The following RBBP8NL variants were observed in gnomAD, a reference collection of about 807,000 sequenced individuals.
The protein encoded by RBBP8NL is RBBP8 N-terminal like.
A neutral mutation model predicts 62.2 loss-of-function variants in RBBP8NL; 59 were observed. The observed-to-expected ratio is 0.95, with a 90% CI of 0.77 to 1.18. RBBP8NL has a LOEUF of 1.18. Ranked by LOEUF, RBBP8NL falls within the 50% of genes most tolerant of loss-of-function variation. RBBP8NL has a pLI of 0.00. For synonymous variants in RBBP8NL, 412 were observed against 394.1 expected, an observed-to-expected ratio of 1.05 and a Z score of -0.54; for missense variants, 896 against 899.5, an observed-to-expected ratio of 1.00 and a Z score of 0.05.
At chr20:62,424,753 C>T (rs1284617916) in intron 1 of RBBP8NL, among the ~76,000 whole-genome samples, 1 of 152,156 alleles carries the variant, frequency 6.6e-6, no homozygotes, top group Non-Finnish European at 1.5e-5. Flanking sequence ...CCCCCCAGAG[C>T]CTGCACCTGC....
intron 2 of RBBP8NL, among the ~76,000 whole-genome samples, chr20:62,418,849 A>C (rs947178209): frequency 6.6e-6 from 1 of 150,952 alleles, no homozygotes; most frequent in Non-Finnish European, 1.5e-5. Context: ...ACCCCACCAG[A>C]CCCTCTCCTT....
In RBBP8NL at chr20:62,416,746, T is replaced by C. The variant is rs750454915; in HGVS notation, c.313+14A>G. 2.3e-5 allele frequency: 35 copies of C among 1,552,136 alleles called. No homozygotes were observed. Among genetic ancestry groups the C allele is most frequent in the Non-Finnish European group, 3.0e-5 (34 of 1,140,638 alleles). ...GTGGGAGAGGACCCCGGTTGTCTGGTGGGTGGGGCTCACTGAGGATGAAGA... is the reference window on the plus strand; with the variant it reads ...GTGGGAGAGGACCCCGGTTGTCTGGCGGGTGGGGCTCACTGAGGATGAAGA... On this transcript the variant is annotated intron_variant, in intron 5 of 13. Coordinates refer to ENST00000252998, the MANE Select transcript of RBBP8NL (RefSeq NM_080833.3).
intron 4 of RBBP8NL, 92 bp from the exon 5 acceptor site, chr20:62,416,964 C>T: frequency 1.9e-6 from 2 of 1,026,614 alleles, no homozygotes; most frequent in Non-Finnish European, 2.9e-6. Context: ...GGAAGTGCCC[C>T]TGCCCTTTGC....
chr20:62,410,863 C>A lies in RBBP8NL; in HGVS notation c.*15G>T, dbSNP rs773625976. 3.2e-6 allele frequency: 5 copies of A among 1,580,304 alleles called. No homozygotes were observed. The highest frequency in any genetic ancestry group is 4.3e-6 in the Non-Finnish European group (5 of 1,151,756). ...GGGCTGCCCCGGGCTCGCTGTGGAC[C>A]CTGGTGCAGGCTGGCTAGGTCTCCT... On this transcript the variant is annotated 3_prime_UTR_variant, in exon 14 of 14. Coordinates refer to ENST00000252998, the MANE Select transcript of RBBP8NL (RefSeq NM_080833.3).
At chr20:62,416,349 A>C in intron 5 of RBBP8NL, 113 bp from the exon 6 acceptor site, 1 of 947,064 alleles carries the variant, frequency 1.1e-6, no homozygotes, top group South Asian at 1.4e-5. Flanking sequence ...CACGTAGCCC[A>C]GGGCCTGGCA....
chr20:62,411,034 G>A (rs746284234), intron 13 of RBBP8NL, 38 bp from the exon 14 acceptor site: 4 of 1,403,396 alleles, frequency 2.9e-6, no homozygotes, highest in Non-Finnish European at 2.0e-6. Flanking sequence ...GGAGCTGTGT[G>A]CCTTCCTTTG....
At chr20:62,415,983 C>A in intron 6 of RBBP8NL, 38 bp from the exon 7 acceptor site, 1 of 1,497,414 alleles carries the variant, frequency 6.7e-7, no homozygotes. Flanking sequence ...TGAGGGAGAG[C>A]AGCATCTCGG....
Position 62,412,733 on chromosome 20 carries a change from C to T in RBBP8NL, c.1767G>A (p.Ala589=), listed in dbSNP as rs368171031. The change falls in exon 13 of 14, where the codon GCG becomes GCA. Residue 589 remains alanine (A), a synonymous_variant. Coordinates refer to ENST00000252998, the MANE Select transcript of RBBP8NL (RefSeq NM_080833.3). ...PGSEVGLSSQ[A]EATTSTTGEG... is the part of the protein sequence containing the mutation. Reference sequence around the variant, plus strand: ...CCCCGGTCGTGCTCGTAGTGGCCTCCGCCTGGGAGCTCAGGCCCACCTGGG... The same window carrying T: ...CCCCGGTCGTGCTCGTAGTGGCCTCTGCCTGGGAGCTCAGGCCCACCTGGG... 7.0e-4 allele frequency: 1,129 copies of T among 1,611,900 alleles called. 12 individuals are homozygous for T. The South Asian group carries it at 0.01, about 15-fold the overall frequency.
At position 62,426,790 on chromosome 20, in the gene RBBP8NL, C is replaced by T. The variant is rs372668818; in HGVS notation, c.-84+670G>A. On this transcript the variant is annotated intron_variant, in intron 1 of 13. Transcript: ENST00000252998. ...CATGCACTCGTGTACCCCACACGCGCGTGCGCCCGTGCACTCGTGTGTACA... is the reference window on the plus strand; with the variant it reads ...CATGCACTCGTGTACCCCACACGCGTGTGCGCCCGTGCACTCGTGTGTACA... Among the ~76,000 whole-genome samples, 100 of 152,364 alleles carry T rather than the reference C, an allele frequency of 6.6e-4. 1 individual carries two copies. The highest frequency in any genetic ancestry group is 1.7e-3 in the South Asian group (8 of 4,830).
At chr20:62,423,197 G>A (rs1273381252) in intron 1 of RBBP8NL, among the ~76,000 whole-genome samples, 1 of 152,134 alleles carries the variant, frequency 6.6e-6, no homozygotes, top group African/African-American at 2.4e-5. Flanking sequence ...GACAGCCCAC[G>A]GAATCTTGAC....
At chr20:62,411,646 G>A (rs574445450) in intron 13 of RBBP8NL, among the ~76,000 whole-genome samples, 5 of 152,356 alleles carry the variant, frequency 3.3e-5, no homozygotes, top group East Asian at 1.9e-4. Flanking sequence ...TGGCTCTGGC[G>A]CTGAGCTGTG....
chr20:62,415,386 T>C, intron 8 of RBBP8NL, 99 bp from the exon 9 acceptor site: 1 of 1,431,640 alleles, frequency 7.0e-7, no homozygotes. Flanking sequence ...GCTCCCACTC[T>C]GCCCCTGCTC....
At chr20:62,423,607 C>T (rs1302683259) in intron 1 of RBBP8NL, among the ~76,000 whole-genome samples, 1 of 152,186 alleles carries the variant, frequency 6.6e-6, no homozygotes, top group Non-Finnish European at 1.5e-5. Flanking sequence ...GCCCATGGTG[C>T]CTGCGGGCCT....
chr20:62,419,561 C>T, intron 2 of RBBP8NL, 26 bp downstream of exon 2: 2 of 1,612,730 alleles, frequency 1.2e-6, no homozygotes. Flanking sequence ...CCCTCCCTAG[C>T]CTGGCATCTG....
intron 1 of RBBP8NL, among the ~76,000 whole-genome samples, chr20:62,423,134 C>G (rs1988742369): frequency 6.6e-6 from 1 of 152,098 alleles, no homozygotes; most frequent in African/African-American, 2.4e-5. Context: ...ACGTGGCCAG[C>G]ATCAGTGGTT....
chr20:62,412,424 G>C (rs567937325), intron 13 of RBBP8NL, among the ~76,000 whole-genome samples, 200 bp downstream of exon 13: 1 of 152,326 alleles, frequency 6.6e-6, no homozygotes, highest in East Asian at 1.9e-4. Flanking sequence ...ACAGTCAGAG[G>C]CTGCACAGGA....
chr20:62,423,006 G>A (rs1988740299), intron 1 of RBBP8NL, among the ~76,000 whole-genome samples: 2 of 152,034 alleles, frequency 1.3e-5, no homozygotes, highest in African/African-American at 4.8e-5. Flanking sequence ...CCTGGGACTA[G>A]GGAGACTTGG....
At chr20:62,417,179 G>A (rs1386864425) in intron 4 of RBBP8NL, 45 bp downstream of exon 4, 2 of 1,449,422 alleles carry the variant, frequency 1.4e-6, no homozygotes, top group Non-Finnish European at 9.5e-7. Flanking sequence ...CCTCTCCTGA[G>A]CCCACCGGTC....
intron 1 of RBBP8NL, among the ~76,000 whole-genome samples, chr20:62,419,999 G>C (rs930062382): frequency 2.0e-5 from 3 of 152,154 alleles, no homozygotes; most frequent in African/African-American, 7.2e-5. Flanking sequence ...AGGGGCCAGG[G>C]AGCATCTGGG....
Sources: allele counts gnomAD v4.1 joint callset (sites outside exome capture counted in the v4.1 genomes callset), GRCh38; gene constraint gnomAD v4.1.1; transcripts MANE v1.5; gene names NCBI Gene and HGNC (gene_info 2026-07-23, HGNC 2026-07-21).